Variants in MIB1 observed in about 807,000 individuals in gnomAD.
MIB1 encodes the protein E3 ubiquitin-protein ligase MIB1.
MIB1 carries 278 observed loss-of-function variants against 124.5 expected under a neutral mutation model. The observed-to-expected ratio is 2.23, with a 90% CI of 2.02 to 2.47. The LOEUF (loss-of-function observed/expected upper bound fraction) is 2.47, where lower values mean the gene tolerates loss of function less well. Ranked by LOEUF, MIB1 falls within the 30% of genes most tolerant of loss-of-function variation. The pLI is 0.00. For missense variants in MIB1, 957 were observed against 1,254.4 expected (o/e 0.76, Z 3.58); for synonymous variants, 446 against 429.4 (o/e 1.04, Z -0.48).
intron 6 of MIB1, among the ~76,000 whole-genome samples, chr18:21,782,402 C>G (rs886919595): frequency 2.0e-5 from 3 of 152,194 alleles, no homozygotes; most frequent in Non-Finnish European, 4.4e-5. Context: ...GGATTATAGG[C>G]ATGAACCACT....
At chr18:21,706,075 CTGTTTTGTTT>C (rs370834206) in intron 1 of MIB1, among the ~76,000 whole-genome samples, 1 of 152,060 alleles carries the variant, frequency 6.6e-6, no homozygotes, top group South Asian at 2.1e-4. Context: ...TAAGTTTGTT[CTGTTTTGTTT>C]TGTTTTGTTT....
chr18:21,853,193 CT>C lies in MIB1; in HGVS notation c.2641del (p.Cys881ValfsTer13). On this transcript the variant is annotated frameshift_variant, in exon 18 of 21. Coordinates refer to ENST00000261537, the MANE Select transcript of MIB1 (RefSeq NM_020774.4). LOFTEE classifies it high-confidence loss of function. ...DKKAAVLFQP[C>X]GHMCACENCA... Reference sequence around the variant, plus strand: ...AGAAAGCAGCTGTTCTTTTTCAACCCTGTGGCCACATGTGTGCTTGTGAGAG... The same window carrying C: ...AGAAAGCAGCTGTTCTTTTTCAACCCGTGGCCACATGTGTGCTTGTGAGAG... The C allele has an allele frequency of 6.2e-7, 1 of 1,612,790 alleles. No individual in the cohort carries two copies. Among genetic ancestry groups the C allele is most frequent in the Non-Finnish European group, 8.5e-7 (1 of 1,179,016 alleles).
intron 1 of MIB1, among the ~76,000 whole-genome samples, chr18:21,744,196 T>C (rs1202718708): frequency 1.3e-5 from 2 of 151,844 alleles, no homozygotes; most frequent in African/African-American, 4.8e-5. Flanking sequence ...GTTTTCCTTT[T>C]TCTTCAAAAT....
At chr18:21,812,229 G>A (rs1369248070) in intron 10 of MIB1, among the ~76,000 whole-genome samples, 1 of 152,190 alleles carries the variant, frequency 6.6e-6, no homozygotes, top group Admixed American at 6.5e-5. Flanking sequence ...ATATGAAAAT[G>A]TATAGGATCC....
At chr18:21,822,925 C>A (rs1421013615) in intron 12 of MIB1, among the ~76,000 whole-genome samples, 5 of 151,858 alleles carry the variant, frequency 3.3e-5, no homozygotes, top group Non-Finnish European at 7.4e-5. Context: ...TGTAGCAAGA[C>A]CCTGTCTCTA....
intron 10 of MIB1, among the ~76,000 whole-genome samples, chr18:21,806,462 A>C (rs78023814): frequency 0.031 from 4,706 of 152,118 alleles, 244 homozygotes; most frequent in African/African-American, 0.11. Context: ...TTGGCTTCCC[A>C]AAGTGTTGGA....
At chr18:21,755,605 G>C (rs1433467964) in intron 1 of MIB1, among the ~76,000 whole-genome samples, 1 of 152,104 alleles carries the variant, frequency 6.6e-6, no homozygotes, top group South Asian at 2.1e-4. Flanking sequence ...GTGAGCCACC[G>C]TGCCCGGCCA....
chr18:21,745,710 A>ACACACACACAC (rs1568183975), intron 1 of MIB1, among the ~76,000 whole-genome samples: 3 of 146,030 alleles, frequency 2.1e-5, no homozygotes, highest in East Asian at 2.0e-4. Context: ...ACACACACAC[A>ACACACACACAC]AAATTTTATT....
chr18:21,817,712 T>C, intron 11 of MIB1: 1 of 441,362 alleles, frequency 2.3e-6, no homozygotes, highest in Non-Finnish European at 4.5e-6. Context: ...TGATGTACAG[T>C]CCCTTTCCTC....
chr18:21,741,913 G>C lies in MIB1; in HGVS notation c.229+101G>C. The C allele has an allele frequency of 9.7e-7, 1 of 1,035,610 alleles. No individual in the cohort carries two copies. 64.2% of individuals were successfully genotyped at this position (1,035,610 alleles called of 1,614,324 possible). A position where few individuals can be genotyped will look rare whatever the true frequency, so the allele number is the denominator to read the frequency against. ...GGGAGAGGTCTGCAGTGGGACACCT[G>C]GTGGGCAGCGCCCGGCTGGAGCGAG... is the stretch of plus-strand genomic sequence containing the variant. On this transcript the variant is annotated intron_variant, in intron 1 of 20. Transcript: ENST00000261537. This position sits in a 1 kb window ranked among gnomAD's most constrained non-coding sequence, Gnocchi z 5.4.
At chr18:21,776,507 T>C (rs982887259) in intron 4 of MIB1, among the ~76,000 whole-genome samples, 6 of 152,158 alleles carry the variant, frequency 3.9e-5, no homozygotes, top group Admixed American at 2.6e-4. Context: ...TTAGGCACTT[T>C]TAAGTAAATC....
chr18:21,768,385 A>G (rs960896814), intron 2 of MIB1, among the ~76,000 whole-genome samples: 47 of 152,328 alleles, frequency 3.1e-4, no homozygotes, highest in African/African-American at 1.1e-3. Flanking sequence ...GCTTTTACAT[A>G]TTATATAATA....
At chr18:21,843,075 C>G in intron 13 of MIB1, 56 bp from the exon 14 acceptor site, 1 of 1,287,936 alleles carries the variant, frequency 7.8e-7, no homozygotes, top group Non-Finnish European at 1.1e-6. Flanking sequence ...TTATAGTTTT[C>G]ATGTTCTTTA....
intron 1 of MIB1, among the ~76,000 whole-genome samples, chr18:21,732,349 T>TAC (rs1491095506): frequency 1.8e-5 from 1 of 55,002 alleles, no homozygotes; most frequent in Non-Finnish European, 3.9e-5. Context: ...ATATTATATG[T>TAC]ATACACACAC....
At chr18:21,777,090 G>C (rs1335478309) in intron 4 of MIB1, among the ~76,000 whole-genome samples, 1 of 152,076 alleles carries the variant, frequency 6.6e-6, no homozygotes, top group African/African-American at 2.4e-5. Context: ...ATAATTTCCA[G>C]GTTTTGGTTT....
upstream of MIB1, among the ~76,000 whole-genome samples, chr18:21,739,036 C>A (rs575865846): frequency 6.6e-6 from 1 of 151,478 alleles, no homozygotes; most frequent in Non-Finnish European, 1.5e-5. Flanking sequence ...ATAGATAGAC[C>A]ACTAGCCAGA....
chr18:21,774,665 A>T (rs2041260353), intron 4 of MIB1, among the ~76,000 whole-genome samples: 1 of 152,134 alleles, frequency 6.6e-6, no homozygotes, highest in Admixed American at 6.5e-5. Flanking sequence ...AATGCCTTTC[A>T]CATCCTTTTC....
intron 1 of MIB1, among the ~76,000 whole-genome samples, chr18:21,709,934 T>C (rs1042939996): frequency 4.6e-5 from 7 of 152,318 alleles, no homozygotes; most frequent in Admixed American, 3.3e-4. Context: ...TAAGTTTCCA[T>C]AGCAAATGAG....
intron 19 of MIB1, 100 bp downstream of exon 19, chr18:21,857,343 A>G: frequency 1.4e-6 from 1 of 733,784 alleles, no homozygotes; most frequent in Non-Finnish European, 2.4e-6. Flanking sequence ...TATAAAACCT[A>G]AGATGTCTGA....
Sources: allele counts gnomAD v4.1 joint callset (sites outside exome capture counted in the v4.1 genomes callset), GRCh38; gene constraint gnomAD v4.1.1; non-coding constraint Gnocchi (gnomAD v3.1); transcripts MANE v1.5; gene names NCBI Gene and HGNC (gene_info 2026-07-23, HGNC 2026-07-21).